KCNJ6: variants seen among roughly 807,000 people sequenced by gnomAD.
KCNJ6 encodes the protein potassium inwardly rectifying channel subfamily J member 6.
KCNJ6 carries 9 observed loss-of-function variants against 34.2 expected under a neutral mutation model. The observed-to-expected ratio is 0.26, with a 90% CI of 0.16 to 0.46. KCNJ6 has a LOEUF of 0.46. KCNJ6 is among the 20% of genes least tolerant of loss of function. KCNJ6 has a pLI of 1.00. For missense variants in KCNJ6, 236 were observed against 531.3 expected (o/e 0.44, Z 5.46); for synonymous variants, 196 against 207.1 (o/e 0.95, Z 0.46).
chr21:37,878,329 T>C (rs1190624616), intron 1 of KCNJ6, among the ~76,000 whole-genome samples: 1 of 152,190 alleles, frequency 6.6e-6, no homozygotes, highest in African/African-American at 2.4e-5. Context: ...TTTTTATCAA[T>C]ATCCTCATAT....
intron 3 of KCNJ6, among the ~76,000 whole-genome samples, chr21:37,711,378 C>G (rs1601431195): frequency 6.6e-6 from 1 of 152,216 alleles, no homozygotes; most frequent in African/African-American, 2.4e-5. Flanking sequence ...CTTCCCTCCT[C>G]CCTGGAAGAG....
In KCNJ6 at chr21:37,617,024, C is replaced by CT. The variant is rs1176830146; in HGVS notation, c.*8134dup. On this transcript the variant is annotated 3_prime_UTR_variant, in exon 4 of 4. Transcript: ENST00000609713. ...CTCTTTCTTTTCTCTTTCTTTCTTT[C>CT]TTTCTTTCTTTCTTTCTTTCTTTCT... is the stretch of plus-strand genomic sequence containing the variant. 5.0e-5 allele frequency: 1 copy of CT among 20,118 alleles called. No individual in the cohort carries two copies. The highest frequency in any genetic ancestry group is 9.3e-5 in the Non-Finnish European group (1 of 10,800). The allele number at this position is 20,118 out of a possible 1,614,324, so 1.2% of individuals were successfully genotyped here. A position where few individuals can be genotyped will look rare whatever the true frequency, so the allele number is the denominator to read the frequency against.
At chr21:37,750,611 A>G (rs571536422) in intron 2 of KCNJ6, among the ~76,000 whole-genome samples, 1 of 152,318 alleles carries the variant, frequency 6.6e-6, no homozygotes, top group East Asian at 1.9e-4. Context: ...CACCATCCTC[A>G]GCAAACTAAC....
At chr21:37,664,096 A>T (rs1030781559) in intron 3 of KCNJ6, among the ~76,000 whole-genome samples, 1 of 152,232 alleles carries the variant, frequency 6.6e-6, no homozygotes, top group African/African-American at 2.4e-5. Flanking sequence ...AAATAAAATA[A>T]AGTTGAATCT....
intron 1 of KCNJ6, among the ~76,000 whole-genome samples, chr21:37,858,109 T>A (rs1216319099): frequency 6.6e-6 from 1 of 152,000 alleles, no homozygotes; most frequent in Non-Finnish European, 1.5e-5. Flanking sequence ...AAATTCAGAT[T>A]GGCCAGGTAC....
At position 37,916,179 on chromosome 21, in the gene KCNJ6, C is replaced by T. The variant is rs1218962986; in HGVS notation, c.-323G>A. Reference sequence around the variant, plus strand: ...GGTGCGGCCGTCTCCGGACTGGCTCCCTCTGGCCGAGCGCGGAGAGCAGGG... The same window carrying T: ...GGTGCGGCCGTCTCCGGACTGGCTCTCTCTGGCCGAGCGCGGAGAGCAGGG... On this transcript the variant is annotated 5_prime_UTR_variant, in exon 1 of 4. Transcript: ENST00000609713. 1 of 152,108 alleles carries T rather than the reference C, an allele frequency of 6.6e-6. No homozygotes were observed. The highest frequency in any genetic ancestry group is 1.5e-5 in the Non-Finnish European group (1 of 68,060). The allele number at this position is 152,108 out of a possible 1,614,324, so 9.4% of individuals were successfully genotyped here.
intron 1 of KCNJ6, among the ~76,000 whole-genome samples, chr21:37,871,046 C>A (rs1348297914): frequency 6.6e-6 from 1 of 152,184 alleles, no homozygotes; most frequent in Non-Finnish European, 1.5e-5. Context: ...CTCTCCCATT[C>A]ATTACCTTTT....
At chr21:37,634,242 C>T (rs1216924948) in intron 3 of KCNJ6, among the ~76,000 whole-genome samples, 12 of 152,118 alleles carry the variant, frequency 7.9e-5, no homozygotes, top group South Asian at 4.2e-4. Context: ...AGTAAGTTCT[C>T]GTTCTATCAG....
chr21:37,692,936 C>T (rs858010), intron 3 of KCNJ6, among the ~76,000 whole-genome samples: 22,465 of 152,068 alleles, frequency 0.15, 1,919 homozygotes, highest in East Asian at 0.38. Context: ...CAGTTTTTGA[C>T]GCAAATCTTT....
chr21:37,908,102 C>T (rs2055850293), intron 1 of KCNJ6, among the ~76,000 whole-genome samples: 1 of 152,126 alleles, frequency 6.6e-6, no homozygotes. Context: ...TAATGTTTTC[C>T]CCTGCATGAA....
Position 37,648,935 on chromosome 21 carries a change from A to C in KCNJ6, c.947-23451T>G, listed in dbSNP as rs1254541553. On this transcript the variant is annotated intron_variant, in intron 3 of 3. Coordinates refer to ENST00000609713, the MANE Select transcript of KCNJ6 (RefSeq NM_002240.5). ...TCACCTGAGGTCAGGAATTCGAGAC[A>C]AGCCTGGCCAACATGGTGAAACCCC... Among the ~76,000 whole-genome samples, 5 of 151,884 alleles carry C rather than the reference A, an allele frequency of 3.3e-5. No homozygotes were observed. The East Asian group carries it at 7.7e-4, about 23-fold the overall frequency.
rs1250792845 is a variant in KCNJ6 at position 37,869,457 on chromosome 21, G to A, written c.-27-28748C>T. On this transcript the variant is annotated intron_variant, in intron 1 of 3. Transcript: ENST00000609713. Reference sequence around the variant, plus strand: ...GTACAACCATTTTCCTAAGTTGTCAGTTCCAATAATTCTTGGATCTGGTTA... The same window carrying A: ...GTACAACCATTTTCCTAAGTTGTCAATTCCAATAATTCTTGGATCTGGTTA... 2.0e-5 allele frequency among the ~76,000 whole-genome samples: 3 copies of A among 152,198 alleles called. No homozygotes were observed. The East Asian group carries it at 5.8e-4, about 29-fold the overall frequency.
At chr21:37,739,913 G>GAAAA (rs56660401) in intron 2 of KCNJ6, among the ~76,000 whole-genome samples, 4 of 147,606 alleles carry the variant, frequency 2.7e-5, no homozygotes, top group East Asian at 2.0e-4. Flanking sequence ...CTTTAGGTTT[G>GAAAA]AAAAAAAAAA....
At chr21:37,859,445 G>A (rs989366493) in intron 1 of KCNJ6, among the ~76,000 whole-genome samples, 1 of 90,090 alleles carries the variant, frequency 1.1e-5, no homozygotes, top group Non-Finnish European at 2.2e-5. Flanking sequence ...TCTAGGAAGG[G>A]TTTTTCATTG....
intron 2 of KCNJ6, among the ~76,000 whole-genome samples, chr21:37,754,517 A>G (rs1388743055): frequency 6.6e-6 from 1 of 152,182 alleles, no homozygotes; most frequent in Non-Finnish European, 1.5e-5. Context: ...AAATAAGTGA[A>G]GGTTTAAAAT....
At chr21:37,910,048 T>C (rs1601527049) in intron 1 of KCNJ6, among the ~76,000 whole-genome samples, 1 of 152,342 alleles carries the variant, frequency 6.6e-6, no homozygotes, top group East Asian at 1.9e-4. Context: ...GAGTCTCCTT[T>C]TCCTCTGATA....
At chr21:37,646,534 GT>G (rs751163324) in intron 3 of KCNJ6, among the ~76,000 whole-genome samples, 93 of 152,266 alleles carry the variant, frequency 6.1e-4, no homozygotes, top group South Asian at 1.0e-3. Context: ...TCAACACACT[GT>G]TTTCCCTCTA....
chr21:37,665,409 T>C (rs2835884), intron 3 of KCNJ6, among the ~76,000 whole-genome samples: 12,021 of 152,302 alleles, frequency 0.079, 641 homozygotes, highest in Middle Eastern at 0.15. Flanking sequence ...TTCTCTGGTT[T>C]TACAATAAAC....
At chr21:37,676,489 C>T (rs756157176) in intron 3 of KCNJ6, among the ~76,000 whole-genome samples, 6 of 152,232 alleles carry the variant, frequency 3.9e-5, no homozygotes, top group African/African-American at 7.2e-5. Flanking sequence ...GGAAGGGACA[C>T]CAGGGAGTGC....
Sources: allele counts gnomAD v4.1 joint callset (sites outside exome capture counted in the v4.1 genomes callset), GRCh38; gene constraint gnomAD v4.1.1; transcripts MANE v1.5; gene names NCBI Gene and HGNC (gene_info 2026-07-23, HGNC 2026-07-21).